REDIC1: variants seen among roughly 807,000 people sequenced by gnomAD.
REDIC1 encodes the protein regulator of DNA class I crossover intermediates 1, also known as HEI10 Interacting Protein 1.
the REDIC1 span, among the ~76,000 whole-genome samples, chr12:39,852,278 G>A: frequency 6.6e-6 from 1 of 152,158 alleles, no homozygotes; most frequent in African/African-American, 2.4e-5. Flanking sequence ...GAGAAATGCT[G>A]GTCAGATTTC....
At chr12:39,737,644 T>C in the REDIC1 span, among the ~76,000 whole-genome samples, 18 of 152,336 alleles carry the variant, frequency 1.2e-4, no homozygotes, top group Non-Finnish European at 2.2e-4. Context: ...ATTAATAAAG[T>C]GATTTTCCCA....
At chr12:39,747,439 G>T in the REDIC1 span, among the ~76,000 whole-genome samples, 4 of 152,192 alleles carry the variant, frequency 2.6e-5, no homozygotes, top group Non-Finnish European at 5.9e-5. Context: ...AAAGACCAAA[G>T]CTATGTCTGA....
the REDIC1 span, among the ~76,000 whole-genome samples, chr12:39,712,223 T>A: frequency 7.0e-6 from 1 of 142,592 alleles, no homozygotes; most frequent in African/African-American, 2.5e-5. Context: ...TATATACATG[T>A]ATATATACCT....
At chr12:39,626,349 G>A in the REDIC1 span, 87 of 1,613,778 alleles carry the variant, frequency 5.4e-5, no homozygotes, top group Non-Finnish European at 7.0e-5. Flanking sequence ...GAATTGGGTC[G>A]GGGGGTCCCG....
chr12:39,634,284 A>G, the REDIC1 span, among the ~76,000 whole-genome samples: 1 of 152,100 alleles, frequency 6.6e-6, no homozygotes, highest in Non-Finnish European at 1.5e-5. Flanking sequence ...TTGATTTTGT[A>G]TCCTGAGACT....
chr12:39,830,354 T>C, the REDIC1 span: 2 of 1,450,512 alleles, frequency 1.4e-6, no homozygotes, highest in East Asian at 2.4e-5. Context: ...TTGGGACTTG[T>C]TTTGGCCAAG....
chr12:39,827,559 A>G, the REDIC1 span, among the ~76,000 whole-genome samples: 1 of 152,114 alleles, frequency 6.6e-6, no homozygotes, highest in Non-Finnish European at 1.5e-5. Flanking sequence ...ATTTCTTTCA[A>G]GTTCTGCTGT....
the REDIC1 span, among the ~76,000 whole-genome samples, chr12:39,870,423 A>G: frequency 6.6e-6 from 1 of 152,194 alleles, no homozygotes; most frequent in Admixed American, 6.5e-5. Context: ...CTAATGATTC[A>G]GTCCATTTCA....
the REDIC1 span, among the ~76,000 whole-genome samples, chr12:39,881,345 G>A: frequency 1.3e-5 from 2 of 151,858 alleles, no homozygotes; most frequent in African/African-American, 4.8e-5. Flanking sequence ...AAAACAATCT[G>A]GAAACTCAAA....
At chr12:39,784,175 A>T in the REDIC1 span, among the ~76,000 whole-genome samples, 1 of 152,194 alleles carries the variant, frequency 6.6e-6, no homozygotes, top group African/African-American at 2.4e-5. Context: ...ATTCAATGCC[A>T]TCCCCATCAA....
the REDIC1 span, among the ~76,000 whole-genome samples, chr12:39,901,032 C>T: frequency 2.0e-5 from 3 of 152,140 alleles, no homozygotes; most frequent in Non-Finnish European, 4.4e-5. Context: ...AGAAATAACA[C>T]TGCATATCTA....
chr12:39,646,947 G>C, the REDIC1 span: 1 of 1,128,974 alleles, frequency 8.9e-7, no homozygotes, highest in Non-Finnish European at 1.3e-6. Flanking sequence ...GCTACCTAAT[G>C]ATCTAAATGT....
the REDIC1 span, among the ~76,000 whole-genome samples, chr12:39,710,483 T>C: frequency 6.6e-6 from 1 of 151,904 alleles, no homozygotes; most frequent in South Asian, 2.1e-4. Context: ...GATTTCATCA[T>C]CTCACTTCTC....
the REDIC1 span, among the ~76,000 whole-genome samples, chr12:39,787,601 C>G: frequency 6.6e-6 from 1 of 152,052 alleles, no homozygotes; most frequent in Non-Finnish European, 1.5e-5. Flanking sequence ...CCTATTGAAA[C>G]AAGTTTTCTC....
chr12:39,833,527 G>C, the REDIC1 span, among the ~76,000 whole-genome samples: 1 of 151,856 alleles, frequency 6.6e-6, no homozygotes, highest in African/African-American at 2.4e-5. Context: ...TTCATATTTA[G>C]GTTTCTCTAT....
At chr12:39,699,718 G>A in the REDIC1 span, among the ~76,000 whole-genome samples, 1,611 of 152,270 alleles carry the variant, frequency 0.011, 27 homozygotes, top group African/African-American at 0.036. Flanking sequence ...AGAGAGCAGT[G>A]GTTCTCCCAG....
chr12:39,682,684 A>G, the REDIC1 span: 46 of 1,612,402 alleles, frequency 2.9e-5, no homozygotes, highest in East Asian at 7.6e-4. Context: ...CACGGATGAA[A>G]TAAGACAGTC....
chr12:39,899,903 A>G, the REDIC1 span, among the ~76,000 whole-genome samples: 1 of 152,028 alleles, frequency 6.6e-6, no homozygotes, highest in Non-Finnish European at 1.5e-5. Context: ...CCTTCCAACT[A>G]TGTGGTCAAT....
chr12:39,823,617 G>A, the REDIC1 span, among the ~76,000 whole-genome samples: 2 of 136,026 alleles, frequency 1.5e-5, no homozygotes, highest in Non-Finnish European at 3.4e-5. Flanking sequence ...GGATGATGAT[G>A]ATATTATTAT....
Sources: gnomAD v4.1 joint callset for allele counts (sites outside exome capture counted in the v4.1 genomes callset) on GRCh38, gnomAD v4.1.1 for gene constraint, MANE v1.5 for transcripts, NCBI Gene and HGNC (gene_info 2026-07-23, HGNC 2026-07-21) for gene names.